ZNF829: variants seen among roughly 807,000 people sequenced by gnomAD.
ZNF829 encodes zinc finger protein 829.
In ZNF829, 25 loss-of-function variants were observed where a neutral mutation model predicts 35.2. The observed-to-expected ratio is 0.71, with a 90% CI of 0.52 to 0.99. ZNF829 has a LOEUF of 0.99. Among genes scored for constraint, ZNF829 ranks in the 50% least tolerant of loss-of-function variants. The pLI is 0.00. For synonymous variants in ZNF829, 136 were observed against 163.2 expected (o/e 0.83, Z 1.27); for missense variants, 417 against 515.3 (o/e 0.81, Z 1.85).
At chr19:36,908,557 G>A in intron 3 of ZNF829, 98 bp from the exon 4 acceptor site, 1 of 1,351,322 alleles carries the variant, frequency 7.4e-7, no homozygotes, top group Non-Finnish European at 1.0e-6. Context: ...TAAAGGGGGT[G>A]AATCCTATCA....
intron 5 of ZNF829, among the ~76,000 whole-genome samples, chr19:36,897,811 C>A (rs1440940200): frequency 6.6e-6 from 1 of 152,156 alleles, no homozygotes. Context: ...AAAGATGCCA[C>A]CAGAAATTCT....
intron 5 of ZNF829, among the ~76,000 whole-genome samples, chr19:36,903,863 CG>C (rs112240815): frequency 0.017 from 2,044 of 121,750 alleles, 58 homozygotes; most frequent in African/African-American, 0.057. Flanking sequence ...AAAACTGTCT[CG>C]AAAAAAAAAA....
chr19:36,891,629 C>A lies in ZNF829; in HGVS notation c.1162G>T (p.Ala388Ser). The A allele has an allele frequency of 6.2e-7, 1 of 1,613,470 alleles. No individual in the cohort carries two copies. Among genetic ancestry groups the A allele is most frequent in the Non-Finnish European group, 8.5e-7 (1 of 1,179,820 alleles). Residue 388 changes from alanine (A) to serine (S), a missense_variant, in exon 6 of 6, where the codon GCC becomes TCC. Ala to Ser is a moderately conservative substitution (Grantham distance 99). Coordinates refer to ENST00000391711, the MANE Select transcript of ZNF829 (RefSeq NM_001037232.4). ...KPYECNECGKAFNKGSNLTRH... is the reference protein window; with the variant it reads ...KPYECNECGKSFNKGSNLTRH... ...GTAAGATTTGAGCCTTTATTAAAGG[C>A]CTTCCCACATTCATTACATTCATAT...
At chr19:36,914,763 C>G (rs2073295378) in intron 3 of ZNF829, among the ~76,000 whole-genome samples, 1 of 151,956 alleles carries the variant, frequency 6.6e-6, no homozygotes, top group African/African-American at 2.4e-5. Context: ...TTTATTTTTT[C>G]TTGGTAATGC....
chr19:36,915,986 TCTC>T (rs1191630011), intron 1 of ZNF829, 22 bp downstream of exon 1: 2 of 1,489,740 alleles, frequency 1.3e-6, no homozygotes, highest in Non-Finnish European at 9.0e-7. Flanking sequence ...CTGAGCCAGT[TCTC>T]CTGGGGACCA....
chr19:36,908,132 G>A, intron 4 of ZNF829, 108 bp from the exon 5 acceptor site: 4 of 1,189,970 alleles, frequency 3.4e-6, no homozygotes, highest in South Asian at 1.5e-5. Flanking sequence ...AAGGACCGGA[G>A]AAAGATGGAG....
chr19:36,892,360 A>G lies in ZNF829; in HGVS notation c.431T>C (p.Ile144Thr). The G allele has an allele frequency of 6.2e-7, 1 of 1,613,706 alleles. No individual in the cohort carries two copies. Among genetic ancestry groups the G allele is most frequent in the South Asian group, 1.1e-5 (1 of 91,068 alleles). ...TTCACTCATAGTTTTTTGAGGTGGAATAAGAAATGTGGGCTGAATAAAAGT... is the reference window on the plus strand; with the variant it reads ...TTCACTCATAGTTTTTTGAGGTGGAGTAAGAAATGTGGGCTGAATAAAAGT... ...MSTFIQPTFL[I>T]PPQKTMSEEK... The change falls in exon 6 of 6, where the codon ATT (isoleucine) becomes ACT (threonine). Residue 144 changes from isoleucine (I) to threonine (T), a missense_variant. Coordinates refer to ENST00000391711, the MANE Select transcript of ZNF829 (RefSeq NM_001037232.4).
rs1186545510 is a variant in ZNF829 at position 36,890,437 on chromosome 19, G to A, written c.*1055C>T. 3 of 151,856 alleles carry A rather than the reference G, an allele frequency of 2.0e-5. No individual in the cohort carries two copies. Among genetic ancestry groups the A allele is most frequent in the African/African-American group, 7.3e-5 (3 of 41,310 alleles). 9.4% of individuals were successfully genotyped at this position (151,856 alleles called of 1,614,324 possible). On this transcript the variant is annotated 3_prime_UTR_variant, in exon 6 of 6. Transcript: ENST00000391711. ...TAGTAGTATCTGTGTTATGGATCTG[G>A]GTGTTGCAGTGTTGGGTGCATACAT...
At chr19:36,908,064 G>C in intron 4 of ZNF829, 40 bp from the exon 5 acceptor site, 2 of 1,571,078 alleles carry the variant, frequency 1.3e-6, no homozygotes, top group Non-Finnish European at 8.7e-7. Flanking sequence ...TTATGCTGTG[G>C]GGTCCCCAGA....
intron 3 of ZNF829, among the ~76,000 whole-genome samples, chr19:36,914,545 A>G (rs1253201638): frequency 1.3e-5 from 2 of 152,204 alleles, no homozygotes; most frequent in African/African-American, 4.8e-5. Flanking sequence ...GAGGATTTAA[A>G]AGTCTGGCAT....
intron 3 of ZNF829, among the ~76,000 whole-genome samples, chr19:36,910,585 T>A (rs918756433): frequency 7.2e-5 from 11 of 152,218 alleles, no homozygotes; most frequent in African/African-American, 2.7e-4. Flanking sequence ...TGAATGAATC[T>A]TTCATTTCAG....
rs1469159836 is a variant in ZNF829, at chr19:36,915,134, CAT to C, written c.32_33del (p.His11ArgfsTer13). 1.2e-6 allele frequency: 2 copies of C among 1,614,138 alleles called. No individual in the cohort carries two copies. The highest frequency in any genetic ancestry group is 1.7e-6 in the Non-Finnish European group (2 of 1,180,018). On this transcript the variant is annotated frameshift_variant, in exon 2 of 6. Transcript: ENST00000391711. LOFTEE classifies it high-confidence loss of function. ...TTCCCCAGCCCCATTACCCACCACA[CAT>C]GAGGAATGGAGATCAGAGGAGAATG... MPHSPLISIP[H>X]VWCHPEEEER...
chr19:36,910,331 T>C (rs953871377), intron 3 of ZNF829, among the ~76,000 whole-genome samples: 3 of 152,164 alleles, frequency 2.0e-5, no homozygotes, highest in East Asian at 1.9e-4. Context: ...GTGATCCACC[T>C]GCCTCAGCCT....
intron 5 of ZNF829, chr19:36,906,903 A>G (rs2073220365): frequency 6.6e-6 from 1 of 151,958 alleles, no homozygotes; most frequent in Non-Finnish European, 1.5e-5. Flanking sequence ...CCTGGCCAAC[A>G]TGTTGAAACC....
At position 36,892,329 on chromosome 19, in the gene ZNF829, T is replaced by C. The variant is rs776211483; in HGVS notation, c.462A>G (p.Lys154=). The C allele has an allele frequency of 5.1e-5, 83 of 1,613,714 alleles. No homozygotes were observed. The Admixed American group carries it at 1.4e-3, about 26-fold the overall frequency. ...TTCCACATATCTTACATTCCCATGG[T>C]TTCTCTTCACTCATAGTTTTTTGAG... ...IPPQKTMSEE[K]PWECKICGKT... Residue 154 remains lysine (K), a synonymous_variant, in exon 6 of 6, where the codon AAA becomes AAG. Transcript: ENST00000391711.
Position 36,915,801 on chromosome 19 carries a change from T to C in ZNF829, c.-85+210A>G, listed in dbSNP as rs750659697. ...TAGTAGAGATGGGGTTTCACCATGTTGGCCAGGATGGTCTCGATCTCTTGA... is the reference window on the plus strand; with the variant it reads ...TAGTAGAGATGGGGTTTCACCATGTCGGCCAGGATGGTCTCGATCTCTTGA... On this transcript the variant is annotated intron_variant, in intron 1 of 5. Coordinates refer to ENST00000391711, the MANE Select transcript of ZNF829 (RefSeq NM_001037232.4). 1.9e-5 allele frequency: 28 copies of C among 1,478,262 alleles called. No individual in the cohort carries two copies. In the South Asian group the frequency reaches 3.1e-4, roughly 17 times the overall value. The allele number at this position is 1,478,262 out of a possible 1,614,324, so 91.6% of individuals were successfully genotyped here.
intron 5 of ZNF829, among the ~76,000 whole-genome samples, chr19:36,896,868 GA>G (rs2146231801): frequency 6.6e-6 from 1 of 152,260 alleles, no homozygotes; most frequent in Admixed American, 6.5e-5. Context: ...GCTTGCTCAT[GA>G]ATGCCCATTG....
At chr19:36,911,213 T>TC (rs1208304205) in intron 3 of ZNF829, among the ~76,000 whole-genome samples, 1 of 151,048 alleles carries the variant, frequency 6.6e-6, no homozygotes, top group African/African-American at 2.4e-5. Flanking sequence ...TGGGACTGAG[T>TC]CTTTTTTTTT....
At chr19:36,897,864 T>C (rs574316775) in intron 5 of ZNF829, among the ~76,000 whole-genome samples, 1 of 152,098 alleles carries the variant, frequency 6.6e-6, no homozygotes, top group Non-Finnish European at 1.5e-5. Flanking sequence ...AGATACAAAA[T>C]CAATATACAA....
Sources: allele counts gnomAD v4.1 joint callset (sites outside exome capture counted in the v4.1 genomes callset), GRCh38; gene constraint gnomAD v4.1.1; transcripts MANE v1.5; gene names NCBI Gene and HGNC (gene_info 2026-07-23, HGNC 2026-07-21).